The following KCND3 variants were observed in gnomAD, a reference collection of about 807,000 sequenced individuals.
The protein encoded by KCND3 is potassium voltage-gated channel subfamily D member 3, also known as A-type voltage-gated potassium channel KCND3.
A neutral mutation model predicts 51.1 loss-of-function variants in KCND3; 9 were observed. The observed-to-expected ratio is 0.18, with a 90% CI of 0.11 to 0.31. The LOEUF (loss-of-function observed/expected upper bound fraction) is 0.31, where lower values mean the gene tolerates loss of function less well. KCND3 is among the 10% of genes least tolerant of loss of function. KCND3 has a pLI of 1.00. For synonymous variants in KCND3, 349 were observed against 368.0 expected, an observed-to-expected ratio of 0.95 and a Z score of 0.59; for missense variants, 526 against 903.8, an observed-to-expected ratio of 0.58 and a Z score of 5.36.
intron 1 of KCND3, among the ~76,000 whole-genome samples, chr1:111,984,217 A>G (rs1198451068): frequency 1.3e-5 from 2 of 152,212 alleles, no homozygotes; most frequent in African/African-American, 2.4e-5. Flanking sequence ...ATCTCTCCCT[A>G]TAAACCTGCT....
At chr1:111,862,004 C>G (rs571710731) in intron 2 of KCND3, among the ~76,000 whole-genome samples, 2 of 152,190 alleles carry the variant, frequency 1.3e-5, no homozygotes, top group East Asian at 3.8e-4. Flanking sequence ...CCTGCTCCTA[C>G]CCTGGGCTAA....
chr1:111,979,411 C>G (rs1674818069), intron 2 of KCND3, among the ~76,000 whole-genome samples: 1 of 152,202 alleles, frequency 6.6e-6, no homozygotes, highest in Non-Finnish European at 1.5e-5. Flanking sequence ...TTTAAAATCT[C>G]TGTGTGTCTG....
intron 2 of KCND3, among the ~76,000 whole-genome samples, chr1:111,919,657 T>C (rs1671387289): frequency 6.6e-6 from 1 of 152,170 alleles, no homozygotes; most frequent in Non-Finnish European, 1.5e-5. Context: ...TCAGATTGAA[T>C]GATGTCCCCG....
intron 2 of KCND3, among the ~76,000 whole-genome samples, chr1:111,919,933 G>C (rs1168619438): frequency 6.6e-6 from 1 of 152,224 alleles, no homozygotes; most frequent in Non-Finnish European, 1.5e-5. Context: ...TGGATGGAGG[G>C]AGATGGGGAA....
chr1:111,937,934 C>T (rs997091878), intron 2 of KCND3, among the ~76,000 whole-genome samples: 1 of 152,216 alleles, frequency 6.6e-6, no homozygotes, highest in Non-Finnish European at 1.5e-5. Flanking sequence ...TCATGCCACT[C>T]TCCCACTCAA....
chr1:111,777,361 G>C, intron 6 of KCND3, 88 bp from the exon 7 acceptor site: 1 of 1,439,594 alleles, frequency 6.9e-7, no homozygotes, highest in Non-Finnish European at 9.7e-7. Context: ...GCCTGTCTCT[G>C]TTCTGGACCT....
At chr1:111,951,283 C>T (rs1275275516) in intron 2 of KCND3, among the ~76,000 whole-genome samples, 1 of 151,772 alleles carries the variant, frequency 6.6e-6, no homozygotes, top group Non-Finnish European at 1.5e-5. Flanking sequence ...TGGTAAGTGG[C>T]CCAGACAGGA....
chr1:111,986,975 C>T (rs1675319351), intron 1 of KCND3, among the ~76,000 whole-genome samples: 1 of 152,154 alleles, frequency 6.6e-6, no homozygotes, highest in Non-Finnish European at 1.5e-5. Flanking sequence ...ATCTTTGACC[C>T]TTAATATCCT....
At chr1:111,839,379 C>T (rs1014113953) in intron 2 of KCND3, among the ~76,000 whole-genome samples, 1 of 152,246 alleles carries the variant, frequency 6.6e-6, no homozygotes, top group African/African-American at 2.4e-5. Flanking sequence ...CAGTTCTCCA[C>T]ACAGGTAGGT....
In KCND3 at chr1:111,772,593, A is replaced by G. The variant is rs1663966940; in HGVS notation, c.*3484T>C. On this transcript the variant is annotated 3_prime_UTR_variant, in exon 8 of 8. Coordinates refer to ENST00000302127, the MANE Select transcript of KCND3 (RefSeq NM_001378969.1). ...TCTGGTCTCAGATCTGTCATTAAAT[A>G]ACTGCATGACCTTGAACAAGTCATT... 2 of 152,266 alleles carry G rather than the reference A, an allele frequency of 1.3e-5. No individual in the cohort carries two copies. The highest frequency in any genetic ancestry group is 2.9e-5 in the Non-Finnish European group (2 of 68,042). The allele number at this position is 152,266 out of a possible 1,614,324, so 9.4% of individuals were successfully genotyped here.
chr1:111,800,857 G>T (rs907531854), intron 2 of KCND3, among the ~76,000 whole-genome samples: 12 of 152,214 alleles, frequency 7.9e-5, no homozygotes, highest in Non-Finnish European at 1.3e-4. Context: ...ATTATGAGAG[G>T]CATGCTTTTA....
intron 2 of KCND3, among the ~76,000 whole-genome samples, chr1:111,949,655 C>T (rs1672958366): frequency 6.6e-6 from 1 of 152,030 alleles, no homozygotes; most frequent in South Asian, 2.1e-4. Context: ...CTCCCCCTTC[C>T]CCCTCCCACC....
intron 1 of KCND3, among the ~76,000 whole-genome samples, 21 bp downstream of exon 1, chr1:111,989,484 G>T (rs1675513575): frequency 6.6e-6 from 1 of 151,780 alleles, no homozygotes; most frequent in Admixed American, 6.6e-5. Context: ...GCTCCAGAAG[G>T]CTCGGTCGCG....
At chr1:111,987,013 G>A (rs1675321719) in intron 1 of KCND3, among the ~76,000 whole-genome samples, 1 of 152,184 alleles carries the variant, frequency 6.6e-6, no homozygotes, top group Non-Finnish European at 1.5e-5. Context: ...AGCTCAGAGA[G>A]GCAGAATCTT....
chr1:111,959,862 C>G lies in KCND3; in HGVS notation c.1106+21759G>C, dbSNP rs1464010125. On this transcript the variant is annotated intron_variant, in intron 2 of 7. Transcript: ENST00000302127. ...AAATCTCATCTTGAATTGTAGTTCC[C>G]GTAATCCCCATATGTTGTGAGAGCG... 6.6e-5 allele frequency among the ~76,000 whole-genome samples: 10 copies of G among 152,034 alleles called. No individual in the cohort carries two copies. In the East Asian group the frequency reaches 1.7e-3, roughly 26 times the overall value.
chr1:111,879,256 A>G (rs1159343314), intron 2 of KCND3, among the ~76,000 whole-genome samples: 1 of 152,026 alleles, frequency 6.6e-6, no homozygotes, highest in Non-Finnish European at 1.5e-5. Context: ...TTCCCTGCAG[A>G]ACCCTGACTA....
At chr1:111,854,249 G>A (rs1314849337) in intron 2 of KCND3, among the ~76,000 whole-genome samples, 2 of 152,180 alleles carry the variant, frequency 1.3e-5, no homozygotes, top group African/African-American at 4.8e-5. Context: ...ATAAAATATA[G>A]TATGTCCAGT....
chr1:111,850,254 G>C (rs946595874), intron 2 of KCND3, among the ~76,000 whole-genome samples: 1 of 152,142 alleles, frequency 6.6e-6, no homozygotes, highest in Non-Finnish European at 1.5e-5. Flanking sequence ...CCTGTTCCCT[G>C]CTCCTTGATT....
At chr1:111,787,224 T>C (rs759361320) in intron 2 of KCND3, 118 bp from the exon 3 acceptor site, 29 of 1,062,878 alleles carry the variant, frequency 2.7e-5, no homozygotes, top group Non-Finnish European at 3.7e-5. Context: ...TTGCTTAGAG[T>C]ATCTACTATG....
Sources: gnomAD v4.1 joint callset for allele counts (sites outside exome capture counted in the v4.1 genomes callset) on GRCh38, gnomAD v4.1.1 for gene constraint, MANE v1.5 for transcripts, NCBI Gene and HGNC (gene_info 2026-07-23, HGNC 2026-07-21) for gene names.